TTLL5: variants seen among roughly 807,000 people sequenced by gnomAD.
TTLL5 encodes tubulin tyrosine ligase like 5.
A neutral mutation model predicts 168.4 loss-of-function variants in TTLL5; 132 were observed. That is an observed-to-expected ratio of 0.78 (90% CI 0.68 to 0.91). The LOEUF (loss-of-function observed/expected upper bound fraction) is 0.91. TTLL5 is among the 40% of genes least tolerant of loss of function. TTLL5 has a pLI of 0.00. For missense variants in TTLL5, 1,545 were observed against 1,581.5 expected (o/e 0.98, Z 0.39); for synonymous variants, 546 against 558.6 (o/e 0.98, Z 0.32).
intron 28 of TTLL5, among the ~76,000 whole-genome samples, chr14:75,851,095 C>CAAAA (rs35393032): frequency 7.3e-5 from 7 of 95,860 alleles, no homozygotes; most frequent in South Asian, 4.0e-4. Flanking sequence ...GACCTTGTCT[C>CAAAA]AAAAAAAAAA....
chr14:75,914,033 A>AAAAAAAAAAAAAAAAATATATATATAT, intron 31 of TTLL5, among the ~76,000 whole-genome samples: 1 of 71,098 alleles, frequency 1.4e-5, no homozygotes, highest in Non-Finnish European at 2.1e-5. Context: ...AAAAAAAAAA[A>AAAAAAAAAAAAAAAAATATATATATAT]ATATATATAT....
At chr14:75,911,818 A>G (rs1371897762) in intron 31 of TTLL5, among the ~76,000 whole-genome samples, 1 of 152,198 alleles carries the variant, frequency 6.6e-6, no homozygotes, top group Non-Finnish European at 1.5e-5. Context: ...TCTGTTTTAT[A>G]TTTATTCTTC....
chr14:75,724,926 C>T (rs1354036947), intron 12 of TTLL5, among the ~76,000 whole-genome samples: 1 of 152,152 alleles, frequency 6.6e-6, no homozygotes, highest in African/African-American at 2.4e-5. Flanking sequence ...CCAAAAACAA[C>T]AGGATGTTCG....
intron 28 of TTLL5, among the ~76,000 whole-genome samples, chr14:75,830,339 G>T (rs1895490637): frequency 6.6e-6 from 1 of 152,180 alleles, no homozygotes; most frequent in Admixed American, 6.5e-5. Context: ...TGTCAGCCAA[G>T]TCAACAGATC....
chr14:75,767,560 CT>C (rs962879205), intron 20 of TTLL5, among the ~76,000 whole-genome samples: 1 of 152,068 alleles, frequency 6.6e-6, no homozygotes, highest in Non-Finnish European at 1.5e-5. Context: ...TCGTAATGAG[CT>C]TGGTGTGTTT....
In TTLL5 at chr14:75,779,784, G is replaced by A; in HGVS notation, c.2515+82G>A. On this transcript the variant is annotated intron_variant, in intron 24 of 31. Transcript: ENST00000298832. ...TGCAAAGGAGAATGAGGAATAATGT[G>A]TTGGCTAAGCACTAATAGTCCCCAA... 2.1e-6 allele frequency: 3 copies of A among 1,432,978 alleles called. No homozygotes were observed. In the East Asian group the frequency reaches 7.3e-5, roughly 35 times the overall value. 88.8% of individuals were successfully genotyped at this position (1,432,978 alleles called of 1,614,324 possible). A position where few individuals can be genotyped will look rare whatever the true frequency, so the allele number is the denominator to read the frequency against.
chr14:75,706,985 T>C (rs1324769651), intron 7 of TTLL5, 33 bp from the exon 8 acceptor site: 5 of 1,548,104 alleles, frequency 3.2e-6, no homozygotes, highest in Non-Finnish European at 3.6e-6. Flanking sequence ...CCTGTGTATT[T>C]CTATTCTTTC....
At chr14:75,694,249 G>A (rs143408520) in intron 6 of TTLL5, among the ~76,000 whole-genome samples, 2 of 152,298 alleles carry the variant, frequency 1.3e-5, no homozygotes, top group African/African-American at 4.8e-5. Context: ...CACAAATCAA[G>A]GAGAAAAGCC....
At chr14:75,773,985 G>A (rs946585611) in intron 21 of TTLL5, among the ~76,000 whole-genome samples, 1 of 148,900 alleles carries the variant, frequency 6.7e-6, no homozygotes, top group African/African-American at 2.5e-5. Context: ...GAGAGAGAGA[G>A]AGAGAGAGAG....
In TTLL5 at chr14:75,783,325, C is replaced by G; in HGVS notation, c.2781C>G (p.Ser927Arg). Reference protein sequence around the residue: ...SLSQIPSAIPSMPHQPTILLN... With the variant: ...SLSQIPSAIPRMPHQPTILLN... ...CTCAAATTCCTTCAGCTATCCCCAG[C>G]ATGCCTCACCAGCCAACAATTTTAC... Residue 927 changes from serine (S) to arginine (R), a missense_variant, in exon 26 of 32, where the codon AGC (serine) becomes AGG (arginine). By Grantham distance (110) the Ser-to-Arg change is moderately radical. Transcript: ENST00000298832. 6.2e-7 allele frequency: 1 copy of G among 1,614,190 alleles called. No homozygotes were observed. Among genetic ancestry groups the G allele is most frequent in the Non-Finnish European group, 8.5e-7 (1 of 1,180,026 alleles).
At chr14:75,905,109 C>G (rs1209082971) in intron 31 of TTLL5, among the ~76,000 whole-genome samples, 1 of 152,118 alleles carries the variant, frequency 6.6e-6, no homozygotes, top group Non-Finnish European at 1.5e-5. Flanking sequence ...TTCTGTAAAC[C>G]CACAAGAAAG....
intron 28 of TTLL5, among the ~76,000 whole-genome samples, chr14:75,849,678 T>C (rs538210677): frequency 4.6e-5 from 7 of 152,202 alleles, no homozygotes; most frequent in African/African-American, 1.7e-4. Flanking sequence ...CCCTTCAAGG[T>C]AGAATTACTT....
intron 28 of TTLL5, among the ~76,000 whole-genome samples, chr14:75,834,631 T>A (rs1895776672): frequency 6.6e-6 from 1 of 152,200 alleles, no homozygotes; most frequent in African/African-American, 2.4e-5. Context: ...CAGACCGGAC[T>A]TCTACCTGGG....
Position 75,663,059 on chromosome 14 carries a change from CTG to C in TTLL5, c.-88_-87del, listed in dbSNP as rs1300958880. The stretch of plus-strand genomic sequence containing the variant: ...AATCAAGTTGATTTCTTGCAGGAAT[CTG>C]TGCCATCCAAATTGCTTGATCCAGT... On this transcript the variant is annotated 5_prime_UTR_variant, in exon 2 of 32. An upstream open reading frame in the 5' UTR gains an earlier in-frame stop. Transcript: ENST00000298832. The C allele has an allele frequency of 9.4e-7, 1 of 1,059,214 alleles. No individual in the cohort carries two copies. The highest frequency in any genetic ancestry group is 1.6e-5 in the African/African-American group (1 of 64,052). 65.6% of individuals were successfully genotyped at this position (1,059,214 alleles called of 1,614,324 possible).
intron 29 of TTLL5, 63 bp downstream of exon 29, chr14:75,863,925 AAAAAAAAAAG>A: frequency 7.5e-7 from 1 of 1,332,632 alleles, no homozygotes; most frequent in African/African-American, 1.6e-5. Flanking sequence ...AAAAAAAAAA[AAAAAAAAAAG>A]GTCAGTGAAT....
chr14:75,921,069 G>T (rs1430632266), intron 31 of TTLL5, among the ~76,000 whole-genome samples: 1 of 152,118 alleles, frequency 6.6e-6, no homozygotes, highest in Non-Finnish European at 1.5e-5. Flanking sequence ...TTTTGATGGG[G>T]TTGTTTGTTT....
chr14:75,712,837 T>C (rs1031434345), intron 9 of TTLL5, among the ~76,000 whole-genome samples: 1 of 152,200 alleles, frequency 6.6e-6, no homozygotes, highest in Non-Finnish European at 1.5e-5. Context: ...AACTTGTGAT[T>C]TAAAAATTTA....
intron 12 of TTLL5, among the ~76,000 whole-genome samples, chr14:75,727,334 A>T (rs145585385): frequency 3.3e-5 from 5 of 152,374 alleles, no homozygotes; most frequent in Non-Finnish European, 7.3e-5. Context: ...TGGTATGTCC[A>T]TATAATGGAA....
chr14:75,755,413 C>T (rs1391423865), intron 18 of TTLL5, among the ~76,000 whole-genome samples: 3 of 152,142 alleles, frequency 2.0e-5, no homozygotes, highest in African/African-American at 7.2e-5. Flanking sequence ...CTCTTTTATA[C>T]ATCCATATTC....
Sources: gnomAD v4.1 joint callset for allele counts (sites outside exome capture counted in the v4.1 genomes callset) on GRCh38, gnomAD v4.1.1 for gene constraint, MANE v1.5 for transcripts, NCBI Gene and HGNC (gene_info 2026-07-23, HGNC 2026-07-21) for gene names.